The following DIP2B variants were observed in gnomAD, a reference collection of about 807,000 sequenced individuals.
DIP2B encodes the protein disco-interacting protein 2 homolog B.
Under a neutral mutation model 198.0 loss-of-function variants are expected in DIP2B, and 76 were observed. The observed-to-expected ratio is 0.38, with a 90% CI of 0.32 to 0.46. The LOEUF (loss-of-function observed/expected upper bound fraction) is 0.46, where lower values mean the gene tolerates loss of function less well. DIP2B is among the 20% of genes least tolerant of loss of function. The pLI is 0.99. For missense variants in DIP2B, 1,559 were observed against 1,978.4 expected (o/e 0.79, Z 4.02); for synonymous variants, 701 against 739.1 (o/e 0.95, Z 0.84).
intron 28 of DIP2B, among the ~76,000 whole-genome samples, chr12:50,726,379 C>T (rs971188613): frequency 6.6e-6 from 1 of 152,152 alleles, no homozygotes; most frequent in Non-Finnish European, 1.5e-5. Flanking sequence ...AGACGGGGCC[C>T]TCACTCTGTC....
intron 1 of DIP2B, among the ~76,000 whole-genome samples, chr12:50,598,988 T>TTA (rs1565840027): frequency 9.4e-5 from 10 of 106,346 alleles, no homozygotes; most frequent in Non-Finnish European, 1.8e-4. Context: ...ATATAAACAT[T>TTA]AAAAAAAAAA....
At chr12:50,599,900 T>A in intron 1 of DIP2B, among the ~76,000 whole-genome samples, 1 of 152,236 alleles carries the variant, frequency 6.6e-6, no homozygotes, top group East Asian at 1.9e-4. Flanking sequence ...TGTTTTGCTC[T>A]TTTCCTGATC....
chr12:50,705,603 C>T (rs1939500322), intron 20 of DIP2B, among the ~76,000 whole-genome samples: 1 of 152,234 alleles, frequency 6.6e-6, no homozygotes, highest in Non-Finnish European at 1.5e-5. Flanking sequence ...GTCAGCCATG[C>T]CCAGCTAAAA....
At chr12:50,624,938 T>G (rs577219906) in intron 1 of DIP2B, among the ~76,000 whole-genome samples, 3 of 152,338 alleles carry the variant, frequency 2.0e-5, no homozygotes, top group African/African-American at 7.2e-5. Context: ...ACCTGACATT[T>G]ATCACCCTTG....
intron 10 of DIP2B, among the ~76,000 whole-genome samples, chr12:50,683,622 A>G (rs996055503): frequency 2.6e-5 from 4 of 151,978 alleles, no homozygotes; most frequent in African/African-American, 9.7e-5. Flanking sequence ...TCTACTAAAA[A>G]ATACAAAAAA....
At chr12:50,699,228 G>A (rs570055102) in intron 19 of DIP2B, 26 bp downstream of exon 19, 2 of 1,613,396 alleles carry the variant, frequency 1.2e-6, no homozygotes, top group African/African-American at 1.3e-5. Flanking sequence ...ATTTCACAGG[G>A]AAAATGTTTG....
chr12:50,635,848 G>T (rs1403925197), intron 2 of DIP2B, among the ~76,000 whole-genome samples: 1 of 152,096 alleles, frequency 6.6e-6, no homozygotes, highest in African/African-American at 2.4e-5. Flanking sequence ...ACTTTAAATG[G>T]CTATCTCAAC....
chr12:50,579,702 T>G (rs1432249826), intron 1 of DIP2B, among the ~76,000 whole-genome samples: 1 of 76,192 alleles, frequency 1.3e-5, no homozygotes, highest in Non-Finnish European at 2.5e-5. Flanking sequence ...TATATATATA[T>G]ATATATATAT....
At chr12:50,720,224 G>A (rs1024114809) in intron 25 of DIP2B, among the ~76,000 whole-genome samples, 2 of 151,928 alleles carry the variant, frequency 1.3e-5, no homozygotes, top group Admixed American at 6.6e-5. Context: ...CACTGTGCCC[G>A]GCCTATATAT....
In DIP2B at chr12:50,537,114, A is replaced by ATTTTTTTTTTTTTTTTTTTTTTTTTT. The variant is rs34202995; in HGVS notation, c.100+31876_100+31901dup. ...CAGATTGCTTGTTTATTATTCTCTA[A>ATTTTTTTTTTTTTTTTTTTTTTTTTT]TTTTTTTTTTTTTTTTTTTTTTTTT... On this transcript the variant is annotated intron_variant, in intron 1 of 37. Coordinates refer to ENST00000301180, the MANE Select transcript of DIP2B (RefSeq NM_173602.3). Among the ~76,000 whole-genome samples the ATTTTTTTTTTTTTTTTTTTTTTTTTT allele has an allele frequency of 1.5e-3, 49 of 32,226 alleles. 14 individuals are homozygous for ATTTTTTTTTTTTTTTTTTTTTTTTTT. The highest frequency in any genetic ancestry group is 2.0e-3 in the Non-Finnish European group (43 of 21,008). 21.1% of individuals were successfully genotyped at this position (32,226 alleles called of 152,430 possible).
At chr12:50,730,301 C>T (rs192736599) in intron 30 of DIP2B, among the ~76,000 whole-genome samples, 55 of 152,160 alleles carry the variant, frequency 3.6e-4, no homozygotes, top group African/African-American at 1.2e-3. Context: ...CTGTATGCTA[C>T]GATTTCAGTT....
In DIP2B at chr12:50,623,423, ACACACACACACACACTCTCTCT is replaced by A. The variant is rs1245923427; in HGVS notation, c.101-2551_101-2530del. Among the ~76,000 whole-genome samples, 567 of 112,508 alleles carry A rather than the reference ACACACACACACACACTCTCTCT, an allele frequency of 5.0e-3. 5 individuals carry two copies. Among genetic ancestry groups the A allele is most frequent in the African/African-American group, 0.015 (395 of 26,900 alleles). The allele number at this position is 112,508 out of a possible 152,430, so 73.8% of individuals were successfully genotyped here. ...CACACACACACACACACACACACAC[ACACACACACACACACTCTCTCT>A]CTCTCTCTCTCTCTCTCTCTCTCTC... On this transcript the variant is annotated intron_variant, in intron 1 of 37. Coordinates refer to ENST00000301180, the MANE Select transcript of DIP2B (RefSeq NM_173602.3).
At chr12:50,505,533 C>T (rs1957960572) in intron 1 of DIP2B, among the ~76,000 whole-genome samples, 1 of 152,144 alleles carries the variant, frequency 6.6e-6, no homozygotes, top group African/African-American at 2.4e-5. Context: ...AAAGCTGCGC[C>T]CTCCCGCTTC....
At chr12:50,566,220 T>A (rs1054650669) in intron 1 of DIP2B, among the ~76,000 whole-genome samples, 3 of 151,928 alleles carry the variant, frequency 2.0e-5, no homozygotes, top group African/African-American at 7.3e-5. Flanking sequence ...TTTGTTTTTT[T>A]GTAAAGTTGG....
intron 1 of DIP2B, among the ~76,000 whole-genome samples, chr12:50,528,553 T>G (rs11169479): frequency 0.25 from 38,006 of 152,026 alleles, 5,435 homozygotes; most frequent in East Asian, 0.37. Context: ...ATGCAGAAGT[T>G]GTGATTAGTG....
chr12:50,695,810 T>C (rs758682459), intron 15 of DIP2B, 38 bp from the exon 16 acceptor site: 3 of 1,610,282 alleles, frequency 1.9e-6, no homozygotes, highest in East Asian at 2.2e-5. Context: ...GTCCCAAATT[T>C]ATTGTGTATG....
chr12:50,653,935 G>A (rs1037095778), intron 3 of DIP2B, among the ~76,000 whole-genome samples: 3 of 150,298 alleles, frequency 2.0e-5, no homozygotes, highest in East Asian at 2.0e-4. Flanking sequence ...GTGCAGTGGC[G>A]TGATCTCAGC....
At chr12:50,629,046 T>G (rs1283791475) in intron 2 of DIP2B, among the ~76,000 whole-genome samples, 1 of 152,052 alleles carries the variant, frequency 6.6e-6, no homozygotes, top group Non-Finnish European at 1.5e-5. Context: ...ACCCAGCTAA[T>G]TTTTGTATTT....
chr12:50,525,247 A>G (rs973574357), intron 1 of DIP2B, among the ~76,000 whole-genome samples: 3 of 151,778 alleles, frequency 2.0e-5, no homozygotes, highest in African/African-American at 7.3e-5. Flanking sequence ...AGTCCCAGCT[A>G]CTTGGAAGGC....
Sources: gnomAD v4.1 joint callset for allele counts (sites outside exome capture counted in the v4.1 genomes callset) on GRCh38, gnomAD v4.1.1 for gene constraint, MANE v1.5 for transcripts, NCBI Gene and HGNC (gene_info 2026-07-23, HGNC 2026-07-21) for gene names.